Variants in RP1 observed in about 807,000 individuals in gnomAD.
RP1 encodes the protein oxygen-regulated protein 1.
RP1 carries 16 observed loss-of-function variants against 14.8 expected under a neutral mutation model. That is an observed-to-expected ratio of 1.08 (90% CI 0.73 to 1.65). The LOEUF (loss-of-function observed/expected upper bound fraction) is 1.65. Ranked by LOEUF, RP1 falls within the 40% of genes most tolerant of loss-of-function variation. The pLI, the probability that RP1 is intolerant of heterozygous loss-of-function variation, is 0.00. For synonymous variants in RP1, 876 were observed against 883.6 expected (o/e 0.99, Z 0.15); for missense variants, 2,631 against 2,535.0 (o/e 1.04, Z -0.81).
intron 24 of RP1, among the ~76,000 whole-genome samples, chr8:54,811,089 C>T (rs1265700901): frequency 6.6e-6 from 1 of 152,172 alleles, no homozygotes; most frequent in African/African-American, 2.4e-5. Flanking sequence ...CTCATCTTTG[C>T]TTATTTTAAA....
At position 54,628,116 on chromosome 8, in the gene RP1, A is replaced by G; in HGVS notation, c.4234A>G (p.Lys1412Glu). The change falls in exon 4 of 4, where the codon AAG (lysine) becomes GAG (glutamate). Residue 1412 changes from lysine to glutamate, a missense_variant. Lys to Glu is a moderately conservative substitution (Grantham distance 56). Transcript: ENST00000220676. ...CLSEKEAELD[K>E]KHSSLDDFEN... ...AAGTGAAAAAGAAGCAGAACTTGAT[A>G]AGAAACATAGTTCTCTAGATGATTT... The G allele has an allele frequency of 6.2e-7, 1 of 1,613,976 alleles. No individual in the cohort carries two copies. The highest frequency in any genetic ancestry group is 8.5e-7 in the Non-Finnish European group (1 of 1,179,894).
chr8:54,622,089 T>C, intron 2 of RP1, 28 bp from the exon 3 acceptor site: 1 of 1,612,994 alleles, frequency 6.2e-7, no homozygotes, highest in Non-Finnish European at 8.5e-7. Flanking sequence ...TGTGCTCATC[T>C]CAGGATAATG....
rs1807154628 is a variant in RP1, at chr8:54,670,671, T to TATA, written c.1324-3179_1324-3178insATA. ...ATATTTATGAATAATATATATGTTTTTATATATATATATATATATATATAT... is the reference window on the plus strand; with the variant it reads ...ATATTTATGAATAATATATATGTTTTATATATATATATATATATATATATATAT... On this transcript the variant is annotated intron_variant, in intron 7 of 22. Coordinates refer to the RP1 transcript ENST00000636932. 1.9e-4 allele frequency among the ~76,000 whole-genome samples: 12 copies of TATA among 62,548 alleles called. 1 individual carries two copies. Among genetic ancestry groups the TATA allele is most frequent in the East Asian group, 1.8e-3 (3 of 1,666 alleles). 41.0% of individuals were successfully genotyped at this position (62,548 alleles called of 152,430 possible).
At chr8:54,861,362 T>C (rs1812337790) in intron 27 of RP1, among the ~76,000 whole-genome samples, 1 of 152,246 alleles carries the variant, frequency 6.6e-6, no homozygotes, top group Non-Finnish European at 1.5e-5. Flanking sequence ...TGATAGTTTC[T>C]GTGCCTTGTA....
chr8:54,639,798 A>C (rs2129322055), intron 3 of RP1, among the ~76,000 whole-genome samples: 1 of 152,306 alleles, frequency 6.6e-6, no homozygotes. Flanking sequence ...TATTCACTTG[A>C]TCTTAGCCAA....
intron 25 of RP1, among the ~76,000 whole-genome samples, chr8:54,838,736 G>C (rs1328311899): frequency 6.6e-6 from 1 of 151,946 alleles, no homozygotes; most frequent in African/African-American, 2.4e-5. Context: ...TATTCTTAGT[G>C]TCCTGAATCT....
At chr8:54,688,939 C>T (rs1037016073) in intron 12 of RP1, among the ~76,000 whole-genome samples, 16 of 152,160 alleles carry the variant, frequency 1.1e-4, no homozygotes, top group Admixed American at 2.0e-4. Context: ...TCTTCCTATC[C>T]ATGAGCATGG....
chr8:54,608,338 T>C (rs1024065247), intron 1 of RP1, among the ~76,000 whole-genome samples: 1 of 152,058 alleles, frequency 6.6e-6, no homozygotes, highest in Non-Finnish European at 1.5e-5. Flanking sequence ...ATGGAAATCA[T>C]GTATCAACAA....
intron 25 of RP1, among the ~76,000 whole-genome samples, chr8:54,851,673 T>C (rs1331447756): frequency 1.3e-5 from 2 of 152,244 alleles, no homozygotes; most frequent in Admixed American, 6.5e-5. Flanking sequence ...TTTTTGAATA[T>C]GTAAGCCTGC....
At position 54,626,882 on chromosome 8, in the gene RP1, T is replaced by C. The variant is rs1806072708; in HGVS notation, c.3000T>C (p.Gly1000=). 2 of 1,613,862 alleles carry C rather than the reference T, an allele frequency of 1.2e-6. No homozygotes were observed. Among genetic ancestry groups the C allele is most frequent in the South Asian group, 1.1e-5 (1 of 91,074 alleles). Residue 1000 remains glycine (G), a synonymous_variant, in exon 4 of 4, where the codon GGT becomes GGC. Transcript: ENST00000220676. The stretch of plus-strand genomic sequence containing the variant: ...AGTCTTTTATTGCCAATGACACTGG[T>C]GAAGAAGATCTCCATGAGACACAGG... ...GDKSFIANDT[G]EEDLHETQVG...
intron 4 of RP1, among the ~76,000 whole-genome samples, chr8:54,649,610 G>A (rs1463122211): frequency 6.6e-6 from 1 of 152,206 alleles, no homozygotes; most frequent in African/African-American, 2.4e-5. Flanking sequence ...GAAGCAGGGA[G>A]ACCAGTGCCA....
At chr8:54,812,762 C>CATCTATCTATCT (rs58007600) in intron 24 of RP1, among the ~76,000 whole-genome samples, 1,849 of 145,256 alleles carry the variant, frequency 0.013, 21 homozygotes, top group Middle Eastern at 0.028. Flanking sequence ...ATCTATCTAT[C>CATCTATCTATCT]ATCTATCTAT....
chr8:54,638,216 TTGCC>T (rs1806387512), intron 3 of RP1, among the ~76,000 whole-genome samples: 1 of 152,136 alleles, frequency 6.6e-6, no homozygotes, highest in African/African-American at 2.4e-5. Context: ...GGCAGGTGGA[TTGCC>T]TGAGCTTGTG....
At chr8:54,820,847 T>C (rs995751339) in intron 24 of RP1, among the ~76,000 whole-genome samples, 3 of 152,060 alleles carry the variant, frequency 2.0e-5, no homozygotes, top group African/African-American at 7.2e-5. Flanking sequence ...TTTCTCCACC[T>C]CCTTCCCAGA....
At chr8:54,856,953 CA>C in intron 26 of RP1, 1 of 398,058 alleles carries the variant, frequency 2.5e-6, no homozygotes, top group African/African-American at 2.1e-5. Flanking sequence ...AATATAGTAT[CA>C]ATAGTAATAC....
chr8:54,780,898 G>C, intron 23 of RP1: 1 of 984,710 alleles, frequency 1.0e-6, no homozygotes, highest in South Asian at 4.7e-5. Context: ...GTGGTTGCAT[G>C]AGAATGGAAA....
chr8:54,822,881 C>T (rs1811292523), intron 24 of RP1, among the ~76,000 whole-genome samples: 1 of 152,188 alleles, frequency 6.6e-6, no homozygotes, highest in South Asian at 2.1e-4. Flanking sequence ...CTAGGTGGCT[C>T]TGCTAATTGT....
intron 15 of RP1, among the ~76,000 whole-genome samples, chr8:54,710,014 C>G (rs563036749): frequency 1.3e-5 from 2 of 152,216 alleles, no homozygotes; most frequent in East Asian, 1.9e-4. Context: ...CCATCAGGGC[C>G]CCATGTTTTT....
chr8:54,828,613 T>G (rs1033362045), intron 24 of RP1, among the ~76,000 whole-genome samples: 1 of 152,192 alleles, frequency 6.6e-6, no homozygotes, highest in Non-Finnish European at 1.5e-5. Context: ...GTTTTCTTTA[T>G]GAATTCCCCA....
Sources: gnomAD v4.1 joint callset for allele counts (sites outside exome capture counted in the v4.1 genomes callset) on GRCh38, gnomAD v4.1.1 for gene constraint, MANE v1.5 for transcripts, NCBI Gene and HGNC (gene_info 2026-07-23, HGNC 2026-07-21) for gene names.